GFI1B: variants seen among roughly 807,000 people sequenced by gnomAD.
GFI1B encodes zinc finger protein Gfi-1b.
A neutral mutation model predicts 35.3 loss-of-function variants in GFI1B; 20 were observed. That is an observed-to-expected ratio of 0.57 (90% confidence interval 0.40 to 0.82). The LOEUF (loss-of-function observed/expected upper bound fraction) is 0.82. GFI1B is among the 40% of genes least tolerant of loss of function. The pLI, the probability that GFI1B is intolerant of heterozygous loss-of-function variation, is 0.00. For missense variants in GFI1B, 430 were observed against 446.3 expected (o/e 0.96, Z 0.33); for synonymous variants, 178 against 177.6 (o/e 1.00, Z -0.02).
chr9:132,953,304 C>G (rs977624312), intron 1 of GFI1B: 6 of 152,132 alleles, frequency 3.9e-5, no homozygotes, highest in Non-Finnish European at 8.8e-5. Context: ...AACTTATCAC[C>G]ATCTATATTC....
At chr9:132,967,244 G>A (rs747626393) in intron 1 of GFI1B, among the ~76,000 whole-genome samples, 8 of 152,064 alleles carry the variant, frequency 5.3e-5, no homozygotes, top group Admixed American at 6.6e-5. Flanking sequence ...CCAGAACTGT[G>A]AGCCAAATAA....
In GFI1B at chr9:132,989,157, C is replaced by T; in HGVS notation, c.607C>T (p.His203Tyr). ...TGACATCTGCGGCAAAACCTTCGGC[C>T]ACGCTGTGAGCCTGGAGCAGCACAC... ...ACDICGKTFG[H>Y]AVSLEQHTHV... Residue 203 changes from histidine (H) to tyrosine (Y), a missense_variant, in exon 5 of 7, where the codon CAC becomes TAC. Coordinates refer to ENST00000372122, the MANE Select transcript of GFI1B (RefSeq NM_001377304.1). This position sits in a 1 kb window ranked among gnomAD's most constrained non-coding sequence, Gnocchi z 6.2. 1 of 1,613,870 alleles carries T rather than the reference C, an allele frequency of 6.2e-7. No individual in the cohort carries two copies. Among genetic ancestry groups the T allele is most frequent in the Non-Finnish European group, 8.5e-7 (1 of 1,179,878 alleles).
At chr9:132,962,916 C>CAAAAA (rs60268965) in intron 1 of GFI1B, among the ~76,000 whole-genome samples, 2 of 124,294 alleles carry the variant, frequency 1.6e-5, no homozygotes, top group African/African-American at 6.2e-5. Flanking sequence ...ACTAAAAATA[C>CAAAAA]AAAAAAAAAA....
intron 1 of GFI1B, among the ~76,000 whole-genome samples, chr9:132,985,352 C>G (rs1204353669): frequency 6.6e-6 from 1 of 152,154 alleles, no homozygotes; most frequent in East Asian, 1.9e-4. Flanking sequence ...TGATGTGGTC[C>G]TTGGTTTCTT....
intron 1 of GFI1B, among the ~76,000 whole-genome samples, chr9:132,958,385 A>C (rs947066494): frequency 2.6e-5 from 4 of 152,222 alleles, no homozygotes; most frequent in Admixed American, 6.5e-5. Context: ...CCATAGCGGC[A>C]TCTGCTTCTG....
upstream of GFI1B, among the ~76,000 whole-genome samples, chr9:132,973,811 G>A (rs1349205201): frequency 6.6e-6 from 1 of 152,202 alleles, no homozygotes; most frequent in Non-Finnish European, 1.5e-5. Flanking sequence ...TTTAATGACA[G>A]CTGTTGTTCC....
chr9:132,991,105 A>C lies in GFI1B; in HGVS notation c.*55A>C, dbSNP rs1192882283. 4.6e-6 allele frequency: 7 copies of C among 1,515,018 alleles called. No homozygotes were observed. The highest frequency in any genetic ancestry group is 6.4e-6 in the Non-Finnish European group (7 of 1,099,590). The allele number at this position is 1,515,018 out of a possible 1,614,324, so 93.8% of individuals were successfully genotyped here. ...CCTGCCCTGCGGTCCTGTCACCTGG[A>C]GGCCAGCCTCACATGCCCAAATCTC... On this transcript the variant is annotated 3_prime_UTR_variant, in exon 7 of 7. Transcript: ENST00000372122.
At chr9:132,954,464 AC>A (rs1203880494) in intron 1 of GFI1B, among the ~76,000 whole-genome samples, 3 of 151,258 alleles carry the variant, frequency 2.0e-5, no homozygotes, top group African/African-American at 7.3e-5. Context: ...AATCCCAGCT[AC>A]TCAGGAGGCT....
In GFI1B at chr9:132,989,831, G is replaced by A; in HGVS notation, c.738G>A (p.Arg246=). 1.9e-6 allele frequency: 3 copies of A among 1,614,164 alleles called. No individual in the cohort carries two copies. The highest frequency in any genetic ancestry group is 2.5e-6 in the Non-Finnish European group (3 of 1,179,980). ...STHLLIHSDT[R]PYPCQFCGKR... ...ACCTGCTCATCCACTCAGACACGCG[G>A]CCCTACCCCTGCCAGTTCTGCGGCA... Residue 246 remains arginine (R), a synonymous_variant, in exon 6 of 7, where the codon CGG becomes CGA. Transcript: ENST00000372122. This position sits in a 1 kb window ranked among gnomAD's most constrained non-coding sequence, Gnocchi z 6.2.
At chr9:132,964,459 T>C (rs1490720198) in intron 1 of GFI1B, among the ~76,000 whole-genome samples, 1 of 152,032 alleles carries the variant, frequency 6.6e-6, no homozygotes, top group African/African-American at 2.4e-5. Flanking sequence ...CTTGTGAAAA[T>C]TGTCTGAATC....
At chr9:132,979,014 TCGTCTGAG>T (rs1202630014) in intron 1 of GFI1B, among the ~76,000 whole-genome samples, 173 bp downstream of exon 1, 1 of 152,204 alleles carries the variant, frequency 6.6e-6, no homozygotes, top group Admixed American at 6.5e-5. Context: ...GGACGTAGCC[TCGTCTGAG>T]CCACTGTGCT....
intron 1 of GFI1B, among the ~76,000 whole-genome samples, chr9:132,949,339 A>G (rs1848167430): frequency 6.6e-6 from 1 of 151,358 alleles, no homozygotes; most frequent in Non-Finnish European, 1.5e-5. Context: ...ACACACACAC[A>G]CATACACACA....
rs922809091 is a variant in GFI1B at position 132,970,273 on chromosome 9, C to G, written c.-700-2452C>G. ...CCCTGACCCAGACAGGAGACAGGGCCTCTCCCCATCAGTAGCCACAGCAAG... is the reference window on the plus strand; with the variant it reads ...CCCTGACCCAGACAGGAGACAGGGCGTCTCCCCATCAGTAGCCACAGCAAG... On this transcript the variant is annotated intron_variant, in intron 1 of 10. Coordinates refer to the GFI1B transcript ENST00000339463. Among the ~76,000 whole-genome samples, 4 of 152,230 alleles carry G rather than the reference C, an allele frequency of 2.6e-5. No homozygotes were observed. The South Asian group carries it at 6.2e-4, about 24-fold the overall frequency.
chr9:132,988,494 A>T, intron 4 of GFI1B, 26 bp downstream of exon 4: 1 of 1,606,112 alleles, frequency 6.2e-7, no homozygotes. Flanking sequence ...TGTGGTGGGC[A>T]CCTGGGCCCT....
Position 132,987,366 on chromosome 9 carries a change from G to C in GFI1B, c.185G>C (p.Arg62Pro). ...TGCCTGGACTGGACCAACCTCAAACGAGAGCCGGAGCTGGAGCAGGACCAG... is the reference window on the plus strand; with the variant it reads ...TGCCTGGACTGGACCAACCTCAAACCAGAGCCGGAGCTGGAGCAGGACCAG... ...NQCLDWTNLK[R>P]EPELEQDQNL... The change falls in exon 3 of 7, where the codon CGA (arginine) becomes CCA (proline). Residue 62 changes from arginine to proline, a missense_variant. Physicochemically the swap from Arg to Pro is moderately radical, Grantham distance 103 (BLOSUM62 -2). Transcript: ENST00000372122. 1.2e-6 allele frequency: 2 copies of C among 1,614,248 alleles called. No individual in the cohort carries two copies. The highest frequency in any genetic ancestry group is 2.7e-5 in the African/African-American group (2 of 75,072).
rs1848253389 is a variant in GFI1B, at chr9:132,954,585, A to G, written c.-701+8916A>G. On this transcript the variant is annotated intron_variant, in intron 1 of 10. Coordinates refer to the GFI1B transcript ENST00000339463. ...GTAAGACTCTGTCTCAAAAAAAAAAAAAAAGAAAAGAAAAAGAAAAGAAAC... is the reference window on the plus strand; with the variant it reads ...GTAAGACTCTGTCTCAAAAAAAAAAGAAAAGAAAAGAAAAAGAAAAGAAAC... Among the ~76,000 whole-genome samples the G allele has an allele frequency of 2.1e-5, 3 of 141,048 alleles. No homozygotes were observed. The South Asian group carries it at 6.3e-4, about 29-fold the overall frequency. 92.5% of individuals were successfully genotyped at this position (141,048 alleles called of 152,430 possible). A position where few individuals can be genotyped will look rare whatever the true frequency, so the allele number is the denominator to read the frequency against.
At chr9:132,949,555 A>T (rs1291559254) in intron 1 of GFI1B, 2 of 152,306 alleles carry the variant, frequency 1.3e-5, no homozygotes, top group African/African-American at 4.8e-5. Flanking sequence ...ATCACTTAGA[A>T]AACACCTCAA....
chr9:132,977,325 T>C (rs111452809), upstream of GFI1B, among the ~76,000 whole-genome samples: 1 of 152,168 alleles, frequency 6.6e-6, no homozygotes, highest in African/African-American at 2.4e-5. Flanking sequence ...AGCAGTGGTC[T>C]GCTGTCTGTA....
At chr9:132,958,163 G>A (rs1463710278) in intron 1 of GFI1B, among the ~76,000 whole-genome samples, 3 of 152,010 alleles carry the variant, frequency 2.0e-5, no homozygotes, top group African/African-American at 7.3e-5. Flanking sequence ...ATGGGGCCAG[G>A]CCAGAAGGCA....
Sources: allele counts gnomAD v4.1 joint callset (sites outside exome capture counted in the v4.1 genomes callset), GRCh38; gene constraint gnomAD v4.1.1; non-coding constraint Gnocchi (gnomAD v3.1); transcripts MANE v1.5; gene names NCBI Gene and HGNC (gene_info 2026-07-23, HGNC 2026-07-21).